TTC7B: variants seen among roughly 807,000 people sequenced by gnomAD.
TTC7B encodes tetratricopeptide repeat domain 7B.
In TTC7B, 28 loss-of-function variants were observed where a neutral mutation model predicts 106.8. That is an observed-to-expected ratio of 0.26 (90% CI 0.19 to 0.36). The LOEUF (loss-of-function observed/expected upper bound fraction) is 0.36, where lower values mean the gene tolerates loss of function less well. Among genes scored for constraint, TTC7B ranks in the 10% least tolerant of loss-of-function variants. The pLI is 1.00. For synonymous variants in TTC7B, 405 were observed against 430.6 expected (o/e 0.94, Z 0.74); for missense variants, 862 against 1,076.4 (o/e 0.80, Z 2.79).
intron 19 of TTC7B, among the ~76,000 whole-genome samples, chr14:90,553,215 G>A (rs920325131): frequency 1.3e-4 from 20 of 152,234 alleles, no homozygotes; most frequent in African/African-American, 4.8e-4. Flanking sequence ...ACCCGGAACA[G>A]CTGATGGCGG....
intron 16 of TTC7B, among the ~76,000 whole-genome samples, chr14:90,614,982 A>G (rs989875870): frequency 7.9e-5 from 12 of 152,232 alleles, no homozygotes; most frequent in African/African-American, 2.7e-4. Flanking sequence ...AGCATGAGAC[A>G]GATTTCTATC....
Position 90,791,584 on chromosome 14 carries a change from C to T in TTC7B, c.122-5256G>A, listed in dbSNP as rs192012131. Among the ~76,000 whole-genome samples the T allele has an allele frequency of 5.8e-4, 88 of 152,248 alleles. No homozygotes were observed. The East Asian group carries it at 0.014, about 24-fold the overall frequency. Reference sequence around the variant, plus strand: ...GCTCCCTGATGGCGACATGCTGCCCCGTGACTACGTTATGACGATGGGATG... The same window carrying T: ...GCTCCCTGATGGCGACATGCTGCCCTGTGACTACGTTATGACGATGGGATG... On this transcript the variant is annotated intron_variant, in intron 1 of 19. Coordinates refer to ENST00000328459, the MANE Select transcript of TTC7B (RefSeq NM_001010854.2).
In TTC7B at chr14:90,654,994, G is replaced by A. The variant is rs189320687; in HGVS notation, c.1458C>T (p.Asp486=). 2.6e-5 allele frequency: 42 copies of A among 1,612,010 alleles called. No individual in the cohort carries two copies. Among genetic ancestry groups the A allele is most frequent in the East Asian group, 6.7e-5 (3 of 44,874 alleles). Residue 486 remains aspartate, a splice_region_variant and synonymous_variant, in exon 12 of 20, where the codon GAC becomes GAT. Coordinates refer to ENST00000328459, the MANE Select transcript of TTC7B (RefSeq NM_001010854.2). ...CTGTGGGGGTGGGACGTCTCTCACCGTCAGTGGCCTGCAGACTGTACGTGA... is the reference window on the plus strand; with the variant it reads ...CTGTGGGGGTGGGACGTCTCTCACCATCAGTGGCCTGCAGACTGTACGTGA... The part of the protein sequence containing the change: ...LGLTYSLQAT[D]ASLRGMQEVL...
chr14:90,754,163 C>A (rs770455677), intron 3 of TTC7B, among the ~76,000 whole-genome samples: 1 of 152,180 alleles, frequency 6.6e-6, no homozygotes, highest in Non-Finnish European at 1.5e-5. Flanking sequence ...GATAAGGAAA[C>A]TAGGGCTCTA....
intron 9 of TTC7B, among the ~76,000 whole-genome samples, chr14:90,671,325 A>C (rs1886623690): frequency 6.6e-6 from 1 of 152,200 alleles, no homozygotes; most frequent in African/African-American, 2.4e-5. Context: ...TGTTGTTGAG[A>C]TTTACCACAA....
chr14:90,538,986 A>C lies in TTC7B; in HGVS notation c.*2382T>G, dbSNP rs1889487555. On this transcript the variant is annotated 3_prime_UTR_variant, in exon 20 of 20. Transcript: ENST00000328459. ...CCCCCCACTGGCATCCTATTAGGAC[A>C]TCAAACCCAGCAGAAAGAGGCTTTT... is the stretch of plus-strand genomic sequence containing the variant. 6.6e-6 allele frequency: 1 copy of C among 152,200 alleles called. No homozygotes were observed. The highest frequency in any genetic ancestry group is 1.5e-5 in the Non-Finnish European group (1 of 68,048). The allele number at this position is 152,200 out of a possible 1,614,324, so 9.4% of individuals were successfully genotyped here.
At chr14:90,621,731 T>C (rs4904712) in intron 15 of TTC7B, among the ~76,000 whole-genome samples, 54,245 of 152,084 alleles carry the variant, frequency 0.36, 10,625 homozygotes, top group African/African-American at 0.51. Flanking sequence ...CAGAGCGTGC[T>C]GCCTTTCCAT....
chr14:90,570,292 G>C lies in TTC7B; in HGVS notation c.2310+7814C>G, dbSNP rs991178835. 3.7e-4 allele frequency among the ~76,000 whole-genome samples: 56 copies of C among 152,178 alleles called. No homozygotes were observed. Among genetic ancestry groups the C allele is most frequent in the African/African-American group, 1.3e-3 (54 of 41,444 alleles). On this transcript the variant is annotated intron_variant, in intron 19 of 19. Transcript: ENST00000328459. This position sits in a 1 kb window ranked among gnomAD's most constrained non-coding sequence, Gnocchi z 4.0. ...TCACATGGCTGCATCATCCAATCCT[G>C]CCTCGAAGTCATTTCCCGCACTCAT... is the stretch of plus-strand genomic sequence containing the variant.
intron 19 of TTC7B, among the ~76,000 whole-genome samples, chr14:90,560,049 C>T (rs192253735): frequency 6.6e-6 from 1 of 152,358 alleles, no homozygotes; most frequent in Admixed American, 6.5e-5. Flanking sequence ...GCCATGTGCC[C>T]CAGGAGCCCC....
In TTC7B at chr14:90,786,267, G is replaced by C. The variant is rs1891385827; in HGVS notation, c.183C>G (p.Pro61=). 1.4e-5 allele frequency: 22 copies of C among 1,612,944 alleles called. No homozygotes were observed. The highest frequency in any genetic ancestry group is 1.9e-5 in the Non-Finnish European group (22 of 1,179,566). The part of the protein sequence containing the change: ...SKLEQYLKEH[P]LRQGASPRGP... ...CTCGGGGACTGGCCCCCTGCCTCAG[G>C]GGGTGTTCCTTCAGGTACTGCTCCA... The change falls in exon 2 of 20, where the codon CCC becomes CCG. Residue 61 remains proline, a synonymous_variant. Coordinates refer to ENST00000328459, the MANE Select transcript of TTC7B (RefSeq NM_001010854.2).
intron 15 of TTC7B, among the ~76,000 whole-genome samples, chr14:90,627,066 G>C (rs148888963): frequency 6.6e-6 from 1 of 151,916 alleles, no homozygotes; most frequent in Non-Finnish European, 1.5e-5. Flanking sequence ...CAAGACCCTC[G>C]ACCTTCCAGG....
intron 6 of TTC7B, among the ~76,000 whole-genome samples, chr14:90,693,962 A>G (rs1595288740): frequency 6.6e-6 from 1 of 152,222 alleles, no homozygotes; most frequent in South Asian, 2.1e-4. Context: ...CCCAATGTCC[A>G]TCAGCTGATG....
chr14:90,579,292 G>A (rs185991530), intron 18 of TTC7B, among the ~76,000 whole-genome samples: 92 of 152,302 alleles, frequency 6.0e-4, no homozygotes, highest in African/African-American at 2.2e-3. Context: ...CGCAGAGGCC[G>A]CCCGCTCTGT....
chr14:90,558,329 A>G (rs557673577), intron 19 of TTC7B, among the ~76,000 whole-genome samples: 3 of 152,362 alleles, frequency 2.0e-5, no homozygotes, highest in Admixed American at 2.0e-4. Flanking sequence ...ACCCCAGGCC[A>G]AAGTCCCAGC....
At chr14:90,690,480 G>C (rs1887427716) in intron 6 of TTC7B, among the ~76,000 whole-genome samples, 2 of 152,208 alleles carry the variant, frequency 1.3e-5, no homozygotes, top group Admixed American at 1.3e-4. Context: ...ACAGTACGAT[G>C]TATAATATAA....
chr14:90,788,626 A>T (rs1278728413), intron 1 of TTC7B, among the ~76,000 whole-genome samples: 1 of 152,192 alleles, frequency 6.6e-6, no homozygotes, highest in Admixed American at 6.5e-5. Flanking sequence ...TTTAAATTTT[A>T]GTGAACTCTC....
At chr14:90,733,659 G>C (rs1270289107) in intron 4 of TTC7B, among the ~76,000 whole-genome samples, 2 of 152,216 alleles carry the variant, frequency 1.3e-5, no homozygotes, top group Admixed American at 1.3e-4. Context: ...TCCTTAACAA[G>C]CGCAGCTGGC....
chr14:90,770,741 C>T (rs2140026057), intron 3 of TTC7B, among the ~76,000 whole-genome samples: 1 of 151,952 alleles, frequency 6.6e-6, no homozygotes, highest in East Asian at 1.9e-4. Flanking sequence ...GAGACATAAA[C>T]AGTCACTCTA....
intron 6 of TTC7B, among the ~76,000 whole-genome samples, chr14:90,691,607 G>T (rs914053200): frequency 6.6e-6 from 1 of 152,184 alleles, no homozygotes; most frequent in African/African-American, 2.4e-5. Context: ...AGGAGAGAAA[G>T]GTGGGAAGTG....
Sources: allele counts gnomAD v4.1 joint callset (sites outside exome capture counted in the v4.1 genomes callset), GRCh38; gene constraint gnomAD v4.1.1; non-coding constraint Gnocchi (gnomAD v3.1); transcripts MANE v1.5; gene names NCBI Gene and HGNC (gene_info 2026-07-23, HGNC 2026-07-21).